The following KAT6A variants were observed in gnomAD, a reference collection of about 807,000 sequenced individuals.
The protein encoded by KAT6A is histone acetyltransferase KAT6A.
A neutral mutation model predicts 198.4 loss-of-function variants in KAT6A; 9 were observed. The ratio of observed to expected loss-of-function variants is 0.05; its 90% CI spans 0.03 to 0.08. KAT6A has a LOEUF of 0.08. Among genes scored for constraint, KAT6A ranks in the 10% least tolerant of loss-of-function variants. KAT6A has a pLI of 1.00. For synonymous variants in KAT6A, 890 were observed against 883.0 expected (o/e 1.01, Z -0.14); for missense variants, 2,077 against 2,509.9 (o/e 0.83, Z 3.69).
At chr8:42,006,302 A>G (rs1024457074) in intron 2 of KAT6A, among the ~76,000 whole-genome samples, 5 of 152,186 alleles carry the variant, frequency 3.3e-5, no homozygotes, top group African/African-American at 1.2e-4. Context: ...TAGTAATATC[A>G]AAACCAAAAC....
chr8:42,003,818 G>C (rs1001491738), intron 2 of KAT6A, among the ~76,000 whole-genome samples: 7 of 152,122 alleles, frequency 4.6e-5, no homozygotes, highest in Non-Finnish European at 1.0e-4. Flanking sequence ...ATCCTTATAA[G>C]AGAAAGAGAA....
At position 41,932,407 on chromosome 8, in the gene KAT6A, C is replaced by T; in HGVS notation, c.5813G>A (p.Ser1938Asn). The change falls in exon 17 of 17, where the codon AGT (serine) becomes AAT (asparagine). Residue 1938 changes from serine to asparagine, a missense_variant. Coordinates refer to ENST00000265713, the MANE Select transcript of KAT6A (RefSeq NM_006766.5). Reference sequence around the variant, plus strand: ...TGTCTGGTTCATGTAGGCAGGGTTACTATGGTAACTGCTGTTCATCATGGG... The same window carrying T: ...TGTCTGGTTCATGTAGGCAGGGTTATTATGGTAACTGCTGTTCATCATGGG... ...TQPMMNSSYH[S>N]NPAYMNQTAQ... 2 of 1,614,222 alleles carry T rather than the reference C, an allele frequency of 1.2e-6. No individual in the cohort carries two copies. The highest frequency in any genetic ancestry group is 1.7e-6 in the Non-Finnish European group (2 of 1,180,038).
At chr8:41,978,620 C>T (rs772620193) in intron 6 of KAT6A, 22 bp downstream of exon 6, 4 of 1,612,470 alleles carry the variant, frequency 2.5e-6, no homozygotes, top group Admixed American at 1.7e-5. Flanking sequence ...TCTCCCCTCA[C>T]CTTGCCACAA....
intron 8 of KAT6A, among the ~76,000 whole-genome samples, chr8:41,956,217 GT>G (rs1359702464): frequency 1.3e-5 from 2 of 152,176 alleles, no homozygotes; most frequent in Non-Finnish European, 2.9e-5. Flanking sequence ...GTCTTAACAT[GT>G]TAACTCAAGG....
chr8:41,982,242 G>A (rs1346423676), intron 3 of KAT6A, among the ~76,000 whole-genome samples: 1 of 151,776 alleles, frequency 6.6e-6, no homozygotes, highest in Non-Finnish European at 1.5e-5. Context: ...CATTATGTGT[G>A]TACATATCCG....
intron 8 of KAT6A, among the ~76,000 whole-genome samples, chr8:41,968,887 A>G (rs1823640494): frequency 6.6e-6 from 1 of 152,136 alleles, no homozygotes; most frequent in Non-Finnish European, 1.5e-5. Flanking sequence ...ATCCATACTT[A>G]CCCTACTGCC....
intron 2 of KAT6A, among the ~76,000 whole-genome samples, chr8:42,003,700 T>C (rs1296052607): frequency 2.0e-5 from 3 of 152,122 alleles, no homozygotes; most frequent in Non-Finnish European, 4.4e-5. Context: ...ATTCATATGG[T>C]GAAGCCCTAA....
intron 2 of KAT6A, among the ~76,000 whole-genome samples, chr8:42,037,501 C>T (rs867991190): frequency 3.3e-5 from 5 of 152,218 alleles, no homozygotes; most frequent in Middle Eastern, 3.4e-3. Flanking sequence ...GGAACCTAGA[C>T]TTTACTAAGC....
chr8:41,991,359 T>G (rs1208769945), intron 2 of KAT6A, among the ~76,000 whole-genome samples: 1 of 152,150 alleles, frequency 6.6e-6, no homozygotes, highest in Non-Finnish European at 1.5e-5. Flanking sequence ...TCACAAACTA[T>G]ATTGAAAGAA....
intron 2 of KAT6A, among the ~76,000 whole-genome samples, chr8:42,034,487 C>T (rs1827275867): frequency 6.6e-6 from 1 of 152,108 alleles, no homozygotes; most frequent in Admixed American, 6.5e-5. Context: ...TACTATATCG[C>T]AGAATTTGGT....
In KAT6A at chr8:41,929,556, A is replaced by G. The variant is rs1563998934; in HGVS notation, c.*2649T>C. ...TTTGAAAGTACTTGCTAGAAAGGGG[A>G]AAAAAAGGTATTACATACAAGGAGA... On this transcript the variant is annotated 3_prime_UTR_variant, in exon 17 of 17. Coordinates refer to ENST00000265713, the MANE Select transcript of KAT6A (RefSeq NM_006766.5). 1 of 185,760 alleles carries G rather than the reference A, an allele frequency of 5.4e-6. No individual in the cohort carries two copies. The highest frequency in any genetic ancestry group is 1.1e-5 in the Non-Finnish European group (1 of 87,804). The allele number at this position is 185,760 out of a possible 1,614,324, so 11.5% of individuals were successfully genotyped here. A position where few individuals can be genotyped will look rare whatever the true frequency, so the allele number is the denominator to read the frequency against.
rs760439362 is a variant in KAT6A at position 41,946,542 on chromosome 8, A to G, written c.1996+49T>C. On this transcript the variant is annotated intron_variant, in intron 12 of 16. Transcript: ENST00000265713. ...CACACACACACACACACACACACAC[A>G]GAGAAGGTCCACTGGAAAAGACCAA... 34 of 909,884 alleles carry G rather than the reference A, an allele frequency of 3.7e-5. No homozygotes were observed. In the Admixed American group the frequency reaches 5.8e-4, roughly 16 times the overall value. 56.4% of individuals were successfully genotyped at this position (909,884 alleles called of 1,614,324 possible).
At chr8:42,032,124 T>C (rs2150922424) in intron 2 of KAT6A, among the ~76,000 whole-genome samples, 1 of 152,222 alleles carries the variant, frequency 6.6e-6, no homozygotes, top group East Asian at 1.9e-4. Flanking sequence ...AGAGACAGGG[T>C]TTTGCCGTGT....
chr8:42,012,097 A>G (rs897664701), intron 2 of KAT6A, among the ~76,000 whole-genome samples: 12 of 152,356 alleles, frequency 7.9e-5, no homozygotes, highest in Admixed American at 6.5e-4. Context: ...TAAAATGACA[A>G]TATCAAGTAC....
At chr8:41,983,763 G>A (rs1824472817) in intron 3 of KAT6A, among the ~76,000 whole-genome samples, 1 of 152,182 alleles carries the variant, frequency 6.6e-6, no homozygotes, top group Admixed American at 6.5e-5. Context: ...AAGAACAAGT[G>A]TTTTAGCACA....
At chr8:42,013,278 A>G (rs1028382273) in intron 2 of KAT6A, among the ~76,000 whole-genome samples, 1 of 141,346 alleles carries the variant, frequency 7.1e-6, no homozygotes, top group African/African-American at 2.7e-5. Flanking sequence ...TTTTTTTTAG[A>G]TGGAGTCTCG....
chr8:41,937,302 C>A lies in KAT6A; in HGVS notation c.3306G>T (p.Arg1102Ser). ...CATCTTCTTCTTCATCTTTAGACTT[C>A]CTCTTAGAAGAGGACTGACACCTGA... The part of the protein sequence containing the change: ...DVLRCQSSSK[R>S]KSKDEEEDEE... Residue 1102 changes from arginine (R) to serine (S), a missense_variant, in exon 16 of 17, where the codon AGG (arginine) becomes AGT (serine). Transcript: ENST00000265713. The A allele has an allele frequency of 6.2e-7, 1 of 1,614,092 alleles. No homozygotes were observed. Among genetic ancestry groups the A allele is most frequent in the African/African-American group, 1.3e-5 (1 of 75,054 alleles).
chr8:42,016,291 G>A (rs1000885997), intron 2 of KAT6A, among the ~76,000 whole-genome samples: 1 of 152,212 alleles, frequency 6.6e-6, no homozygotes, highest in Non-Finnish European at 1.5e-5. Context: ...TGCCAAGGAA[G>A]CAATTTGAGA....
intron 8 of KAT6A, among the ~76,000 whole-genome samples, chr8:41,973,285 G>C (rs1399851652): frequency 3.3e-5 from 5 of 151,718 alleles, no homozygotes; most frequent in African/African-American, 1.2e-4. Context: ...GAGTGGTGTG[G>C]CACGATCTCG....
Sources: allele counts gnomAD v4.1 joint callset (sites outside exome capture counted in the v4.1 genomes callset), GRCh38; gene constraint gnomAD v4.1.1; transcripts MANE v1.5; gene names NCBI Gene and HGNC (gene_info 2026-07-23, HGNC 2026-07-21).